TBC1D2B: variants seen among roughly 807,000 people sequenced by gnomAD.
TBC1D2B encodes the protein TBC1 domain family, member 2B.
Under a neutral mutation model 100.8 loss-of-function variants are expected in TBC1D2B, and 64 were observed. The observed-to-expected ratio is 0.64, with a 90% CI of 0.52 to 0.78. The LOEUF is 0.78. Among genes scored for constraint, TBC1D2B ranks in the 30% least tolerant of loss-of-function variants. The pLI is 0.00. For missense variants in TBC1D2B, 1,052 were observed against 1,218.4 expected (o/e 0.86, Z 2.03); for synonymous variants, 480 against 479.7 (o/e 1.00, Z -0.01).
chr15:78,023,147 C>CTGG (rs1251262918), intron 6 of TBC1D2B, among the ~76,000 whole-genome samples: 1 of 152,186 alleles, frequency 6.6e-6, no homozygotes, highest in Non-Finnish European at 1.5e-5. Flanking sequence ...CAGTAACAAC[C>CTGG]TGGACAGCAG....
In TBC1D2B at chr15:78,001,628, A is replaced by G. The variant is rs768080858; in HGVS notation, c.2687T>C (p.Leu896Pro). ...KYLRYFTRTI[L>P]DARKLISISF... ...ACTCCCCAGGACTCACCTAGCATCA[A>G]GGATAGTGCGAGTGAAGTAGCGGAG... Residue 896 changes from leucine to proline, a missense_variant, in exon 12 of 13, where the codon CTT becomes CCT. Around this residue, in one of 4 missense-constraint regions of TBC1D2B, gnomAD observed 373 missense variants for 464.9 expected, o/e 0.80. Coordinates refer to ENST00000300584, the MANE Select transcript of TBC1D2B (RefSeq NM_144572.2). The G allele has an allele frequency of 1.2e-6, 2 of 1,609,416 alleles. No individual in the cohort carries two copies. Among genetic ancestry groups the G allele is most frequent in the Admixed American group, 1.7e-5 (1 of 59,524 alleles).
In TBC1D2B at chr15:78,012,850, T is replaced by A; in HGVS notation, c.2243A>T (p.Asp748Val). The A allele has an allele frequency of 1.3e-6, 2 of 1,514,228 alleles. No homozygotes were observed. The highest frequency in any genetic ancestry group is 1.8e-6 in the Non-Finnish European group (2 of 1,132,168). The allele number at this position is 1,514,228 out of a possible 1,614,324, so 93.8% of individuals were successfully genotyped here. ...VLLAFSWRNPDIGYCQGLNRL... is the reference protein window; with the variant it reads ...VLLAFSWRNPVIGYCQGLNRL... ...GTTTAGGCCTTGACAGTAGCCGATA[T>A]CTGGATTCCGCCAGGAGAAGGCGAG... Residue 748 changes from aspartate (D) to valine (V), a missense_variant, in exon 9 of 13, where the codon GAT becomes GTT. Transcript: ENST00000300584.
chr15:78,038,217 G>A (rs1021787278), intron 3 of TBC1D2B, among the ~76,000 whole-genome samples: 2 of 152,232 alleles, frequency 1.3e-5, no homozygotes, highest in African/African-American at 4.8e-5. Flanking sequence ...CCAGAGACAA[G>A]ACAGATAGGG....
At chr15:78,049,150 C>T (rs142501731) in intron 2 of TBC1D2B, among the ~76,000 whole-genome samples, 1 of 152,250 alleles carries the variant, frequency 6.6e-6, no homozygotes, top group African/African-American at 2.4e-5. Flanking sequence ...TAGCATACAT[C>T]TAAGTACCAG....
intron 1 of TBC1D2B, chr15:78,066,128 G>A: frequency 2.1e-6 from 1 of 467,638 alleles, no homozygotes; most frequent in Non-Finnish European, 4.5e-6. Flanking sequence ...TGAATGCTCA[G>A]GAAGGAACCC....
intron 1 of TBC1D2B, among the ~76,000 whole-genome samples, chr15:78,057,417 G>C (rs202142306): frequency 6.6e-6 from 1 of 152,186 alleles, no homozygotes; most frequent in Admixed American, 6.5e-5. Context: ...CGAGGCAGGC[G>C]GATCACCTGA....
At position 78,045,008 on chromosome 15, in the gene TBC1D2B, T is replaced by C. The variant is rs2073166725; in HGVS notation, c.575A>G (p.Glu192Gly). 1.2e-6 allele frequency: 2 copies of C among 1,613,724 alleles called. No individual in the cohort carries two copies. Among genetic ancestry groups the C allele is most frequent in the Non-Finnish European group, 1.7e-6 (2 of 1,179,736 alleles). ...TCCCACCAGCTCTCCAGGCACAGTC[T>C]CCACAGCTAGGACATTTCTGGCTTT... is the stretch of plus-strand genomic sequence containing the variant. ...AEKARNVLAV[E>G]TVPGELVGEQ... The change falls in exon 3 of 13, where the codon GAG becomes GGG. Residue 192 changes from glutamate to glycine, a missense_variant. This residue lies in a region of TBC1D2B where 627 missense variants were observed against 646.1 expected (regional missense o/e 0.97). Transcript: ENST00000300584.
intron 1 of TBC1D2B, among the ~76,000 whole-genome samples, chr15:78,060,591 G>A (rs1287868270): frequency 3.3e-5 from 5 of 152,032 alleles, no homozygotes; most frequent in South Asian, 2.1e-4. Context: ...GCAGTGAGCC[G>A]AGATCTGTAC....
At chr15:78,034,198 CTGTATAAAG>C (rs1452033430) in intron 3 of TBC1D2B, among the ~76,000 whole-genome samples, 2 of 152,148 alleles carry the variant, frequency 1.3e-5, no homozygotes, top group African/African-American at 2.4e-5. Context: ...GAGCAAGATA[CTGTATAAAG>C]TCTGATTTTA....
chr15:78,067,646 G>C (rs2073680409), intron 1 of TBC1D2B, among the ~76,000 whole-genome samples: 1 of 152,232 alleles, frequency 6.6e-6, no homozygotes, highest in South Asian at 2.1e-4. Context: ...TCTGCTCAAG[G>C]AAAGTCTGCT....
At chr15:77,999,122 C>T in intron 12 of TBC1D2B, 1 of 352,100 alleles carries the variant, frequency 2.8e-6, no homozygotes, top group South Asian at 2.1e-5. Context: ...TTCCTAGGGC[C>T]ACCTTCTTCC....
At chr15:78,069,148 G>A (rs2073707343) in intron 1 of TBC1D2B, among the ~76,000 whole-genome samples, 1 of 152,202 alleles carries the variant, frequency 6.6e-6, no homozygotes, top group African/African-American at 2.4e-5. Context: ...CGTGAGGTGG[G>A]AGCTGGTACA....
rs747714125 is a variant in TBC1D2B at position 78,016,667 on chromosome 15, G to A, written c.1654C>T (p.Pro552Ser). ...YLILLQEMKT[P>S]VCSEDQGPTR... Reference sequence around the variant, plus strand: ...GGCCCCTGGTCTTCTGAGCACACTGGTGTCTTCATTTCTTGGAGCAATATC... The same window carrying A: ...GGCCCCTGGTCTTCTGAGCACACTGATGTCTTCATTTCTTGGAGCAATATC... Residue 552 changes from proline to serine, a missense_variant, in exon 8 of 13, where the codon CCA becomes TCA. By Grantham distance (74) the Pro-to-Ser change is moderately conservative (BLOSUM62 -1). This residue lies in a region of TBC1D2B where 373 missense variants were observed against 464.9 expected (regional missense o/e 0.80). Transcript: ENST00000300584. 2 of 1,607,718 alleles carry A rather than the reference G, an allele frequency of 1.2e-6. No homozygotes were observed. Among genetic ancestry groups the A allele is most frequent in the African/African-American group, 2.7e-5 (2 of 74,426 alleles).
chr15:78,027,835 G>A (rs1003712121), intron 4 of TBC1D2B, among the ~76,000 whole-genome samples: 2 of 152,056 alleles, frequency 1.3e-5, no homozygotes, highest in African/African-American at 4.8e-5. Flanking sequence ...AGCTCGTACT[G>A]AGCCCCTCTT....
intron 2 of TBC1D2B, among the ~76,000 whole-genome samples, chr15:78,050,600 A>G (rs372814905): frequency 2.6e-5 from 4 of 152,234 alleles, no homozygotes; most frequent in Admixed American, 1.3e-4. Context: ...ACCTGATTGT[A>G]TCTTTATGCA....
intron 1 of TBC1D2B, among the ~76,000 whole-genome samples, chr15:78,066,581 C>A (rs1307601878): frequency 6.6e-6 from 1 of 152,190 alleles, no homozygotes; most frequent in Non-Finnish European, 1.5e-5. Flanking sequence ...CAGGAGGAGT[C>A]TTTTCCACAC....
At chr15:78,009,652 C>A (rs978359551) in intron 9 of TBC1D2B, among the ~76,000 whole-genome samples, 2 of 152,132 alleles carry the variant, frequency 1.3e-5, no homozygotes, top group African/African-American at 4.8e-5. Context: ...CAATGATCAG[C>A]CAGCCTCATT....
At chr15:78,040,886 G>A (rs1031740563) in intron 3 of TBC1D2B, among the ~76,000 whole-genome samples, 1,573 of 144,446 alleles carry the variant, frequency 0.011, 30 homozygotes, top group African/African-American at 0.033. Context: ...AAGAAAGAGA[G>A]AGAGAGAGAA....
intron 3 of TBC1D2B, among the ~76,000 whole-genome samples, chr15:78,031,381 C>T (rs1214323982): frequency 6.6e-6 from 1 of 151,948 alleles, no homozygotes; most frequent in East Asian, 1.9e-4. Context: ...TGGCGAAACT[C>T]TGTCTCTACT....
Sources: gnomAD v4.1 joint callset for allele counts (sites outside exome capture counted in the v4.1 genomes callset) on GRCh38, gnomAD v4.1.1 for gene constraint, gnomAD v4.1.1 regional missense constraint, MANE v1.5 for transcripts, NCBI Gene and HGNC (gene_info 2026-07-23, HGNC 2026-07-21) for gene names.